TRAPPC9: variants seen among roughly 807,000 people sequenced by gnomAD.
The protein encoded by TRAPPC9 is trafficking protein particle complex subunit 9.
Under a neutral mutation model 124.0 loss-of-function variants are expected in TRAPPC9, and 83 were observed. The ratio of observed to expected loss-of-function variants is 0.67; its 90% CI spans 0.56 to 0.80. The LOEUF (loss-of-function observed/expected upper bound fraction) is 0.80. Ranked by LOEUF, TRAPPC9 falls within the 30% of genes least tolerant of loss-of-function variation. The probability of loss-of-function intolerance (pLI) is 0.00; values close to 1 mark genes in which losing one functional copy is unlikely to be tolerated. For missense variants in TRAPPC9, 1,302 were observed against 1,508.3 expected (o/e 0.86, Z 2.27); for synonymous variants, 638 against 617.5 (o/e 1.03, Z -0.49).
intron 20 of TRAPPC9, among the ~76,000 whole-genome samples, chr8:139,898,745 C>T (rs113327208): frequency 7.2e-5 from 11 of 152,138 alleles, no homozygotes; most frequent in South Asian, 2.1e-4. Flanking sequence ...TGTCATACCC[C>T]GCTCTCTCCA....
At chr8:139,898,195 G>A (rs1830785792) in intron 20 of TRAPPC9, among the ~76,000 whole-genome samples, 1 of 152,222 alleles carries the variant, frequency 6.6e-6, no homozygotes, top group Non-Finnish European at 1.5e-5. Flanking sequence ...GGCAGGCAGG[G>A]AGCCCCAGCA....
At chr8:140,280,523 G>A (rs2065278277) in intron 14 of TRAPPC9, among the ~76,000 whole-genome samples, 1 of 152,042 alleles carries the variant, frequency 6.6e-6, no homozygotes, top group Non-Finnish European at 1.5e-5. Context: ...CCGCCTCCCA[G>A]GTTCAAGCGA....
At chr8:140,179,747 T>C (rs918829623) in intron 17 of TRAPPC9, among the ~76,000 whole-genome samples, 1 of 152,122 alleles carries the variant, frequency 6.6e-6, no homozygotes, top group Admixed American at 6.5e-5. Flanking sequence ...GTTGAAGCTC[T>C]GTTATTGGGT....
intron 9 of TRAPPC9, among the ~76,000 whole-genome samples, chr8:140,314,390 A>G (rs915995193): frequency 4.6e-5 from 7 of 152,228 alleles, no homozygotes; most frequent in African/African-American, 1.7e-4. Context: ...CATTTACTGT[A>G]TAACAATCAA....
chr8:140,424,944 T>C (rs981525970), intron 5 of TRAPPC9, among the ~76,000 whole-genome samples: 2 of 152,238 alleles, frequency 1.3e-5, no homozygotes, highest in South Asian at 2.1e-4. Context: ...AATTTTGTGA[T>C]AGCTTCACAT....
intron 21 of TRAPPC9, among the ~76,000 whole-genome samples, chr8:139,802,138 G>T (rs1312093974): frequency 6.6e-6 from 1 of 152,168 alleles, no homozygotes; most frequent in African/African-American, 2.4e-5. Flanking sequence ...GTACAGAACG[G>T]CATGGGTCAC....
intron 17 of TRAPPC9, among the ~76,000 whole-genome samples, chr8:140,218,192 A>G (rs368463525): frequency 6.6e-6 from 1 of 152,130 alleles, no homozygotes; most frequent in African/African-American, 2.4e-5. Context: ...ATTTAGGAAT[A>G]AACACCTAAG....
intron 17 of TRAPPC9, among the ~76,000 whole-genome samples, chr8:140,194,125 C>T (rs963859205): frequency 6.6e-5 from 10 of 152,154 alleles, no homozygotes; most frequent in Admixed American, 1.3e-4. Flanking sequence ...CTTAAAACCC[C>T]CAGGACCACC....
intron 17 of TRAPPC9, among the ~76,000 whole-genome samples, chr8:140,110,149 T>C (rs926835417): frequency 6.6e-6 from 1 of 151,746 alleles, no homozygotes; most frequent in Admixed American, 6.6e-5. Context: ...TCTGCTCTGC[T>C]CTGCTCTGCT....
intron 21 of TRAPPC9, among the ~76,000 whole-genome samples, chr8:139,767,217 A>G (rs1820638671): frequency 1.3e-5 from 2 of 152,200 alleles, no homozygotes; most frequent in African/African-American, 4.8e-5. Context: ...AGGCGTAGGG[A>G]CTAGCCCACA....
intron 2 of TRAPPC9, among the ~76,000 whole-genome samples, chr8:140,449,340 A>G (rs1217275969): frequency 6.6e-6 from 1 of 152,222 alleles, no homozygotes; most frequent in Non-Finnish European, 1.5e-5. Flanking sequence ...CCAGGAGGCC[A>G]GTGACTGACA....
chr8:139,818,719 G>C (rs1274943176), intron 21 of TRAPPC9, among the ~76,000 whole-genome samples: 2 of 152,204 alleles, frequency 1.3e-5, no homozygotes, highest in African/African-American at 4.8e-5. Context: ...CTGATTTCTA[G>C]TTACCAATGT....
At chr8:139,755,543 G>A (rs10099274) in intron 21 of TRAPPC9, among the ~76,000 whole-genome samples, 929 of 108,956 alleles carry the variant, frequency 8.5e-3, no homozygotes, top group African/African-American at 0.025. Context: ...GTTTGGGGAT[G>A]AGGACAGCAG....
intron 21 of TRAPPC9, among the ~76,000 whole-genome samples, chr8:139,798,358 C>T (rs559682849): frequency 5.3e-5 from 8 of 152,158 alleles, no homozygotes; most frequent in African/African-American, 9.7e-5. Context: ...CAATCTTGCA[C>T]GGCAATAGAG....
At chr8:139,752,069 TC>T (rs1199973703) in intron 21 of TRAPPC9, among the ~76,000 whole-genome samples, 1 of 151,092 alleles carries the variant, frequency 6.6e-6, no homozygotes, top group East Asian at 2.0e-4. Context: ...CATCCATCCA[TC>T]CATCCACCAT....
chr8:140,070,061 C>T (rs989398565), intron 17 of TRAPPC9, among the ~76,000 whole-genome samples: 2 of 152,204 alleles, frequency 1.3e-5, no homozygotes, highest in Non-Finnish European at 2.9e-5. Flanking sequence ...ACACAGTCCC[C>T]CAACTCACAC....
At chr8:139,996,739 T>G (rs1245104274) in intron 18 of TRAPPC9, among the ~76,000 whole-genome samples, 1 of 152,230 alleles carries the variant, frequency 6.6e-6, no homozygotes, top group Non-Finnish European at 1.5e-5. Flanking sequence ...GCTATTTTTT[T>G]GTTTGTTTGT....
intron 21 of TRAPPC9, among the ~76,000 whole-genome samples, chr8:139,829,939 T>C (rs1281590462): frequency 1.3e-5 from 2 of 152,200 alleles, no homozygotes; most frequent in East Asian, 1.9e-4. Flanking sequence ...GACCACGCAC[T>C]TCCCAGGTCC....
chr8:140,033,685 T>TTTTTTTTG (rs1840687192), intron 17 of TRAPPC9, among the ~76,000 whole-genome samples: 1 of 117,376 alleles, frequency 8.5e-6, no homozygotes, highest in Non-Finnish European at 1.7e-5. Flanking sequence ...TTTTTTTTTT[T>TTTTTTTTG]TTTTTTTTTT....
Sources: allele counts gnomAD v4.1 joint callset (sites outside exome capture counted in the v4.1 genomes callset), GRCh38; gene constraint gnomAD v4.1.1; transcripts MANE v1.5; gene names NCBI Gene and HGNC (gene_info 2026-07-23, HGNC 2026-07-21).